Variants in LPP observed in about 807,000 individuals in gnomAD.
The protein encoded by LPP is LIM domain containing preferred translocation partner in lipoma, also known as lipoma-preferred partner.
In LPP, 38 loss-of-function variants were observed where a neutral mutation model predicts 60.4. The observed-to-expected ratio is 0.63, with a 90% CI of 0.49 to 0.83. The LOEUF is 0.83. Ranked by LOEUF, LPP falls within the 40% of genes least tolerant of loss-of-function variation. The pLI is 0.00. For missense variants in LPP, 902 were observed against 783.6 expected (o/e 1.15, Z -1.80); for synonymous variants, 328 against 290.8 (o/e 1.13, Z -1.30).
At chr3:188,508,906 G>A (rs1019465434) in intron 5 of LPP, among the ~76,000 whole-genome samples, 1 of 152,210 alleles carries the variant, frequency 6.6e-6, no homozygotes, top group Non-Finnish European at 1.5e-5. Flanking sequence ...TTCAAATTTA[G>A]CATGGACAAG....
At chr3:188,774,142 T>C (rs1293763473) in intron 9 of LPP, among the ~76,000 whole-genome samples, 1 of 152,202 alleles carries the variant, frequency 6.6e-6, no homozygotes, top group Non-Finnish European at 1.5e-5. Flanking sequence ...AATAAATTTA[T>C]GCTAACAGAT....
intron 2 of LPP, among the ~76,000 whole-genome samples, chr3:188,249,829 T>TACACACAC (rs61215623): frequency 0.026 from 2,868 of 111,140 alleles, 68 homozygotes; most frequent in African/African-American, 0.038. Context: ...TTTCTCTGTC[T>TACACACAC]ACACACACAC....
chr3:188,827,410 A>G (rs915243400), intron 9 of LPP, among the ~76,000 whole-genome samples: 1 of 152,236 alleles, frequency 6.6e-6, no homozygotes, highest in Admixed American at 6.5e-5. Flanking sequence ...TAGTACAGAC[A>G]AAGTAACAGC....
At chr3:188,517,273 G>A (rs1817631501) in intron 5 of LPP, among the ~76,000 whole-genome samples, 2 of 152,074 alleles carry the variant, frequency 1.3e-5, no homozygotes, top group African/African-American at 4.8e-5. Context: ...TTTTATTAGG[G>A]ATACTTTGAG....
At chr3:188,690,534 T>G (rs6768952) in intron 7 of LPP, among the ~76,000 whole-genome samples, 51,414 of 152,044 alleles carry the variant, frequency 0.34, 9,170 homozygotes, top group Middle Eastern at 0.53. Context: ...TTGGAATGGA[T>G]ACGGTGCCCT....
At chr3:188,243,295 C>A (rs1725650810) in intron 2 of LPP, among the ~76,000 whole-genome samples, 1 of 152,152 alleles carries the variant, frequency 6.6e-6, no homozygotes, top group Non-Finnish European at 1.5e-5. Context: ...ACCGTTCCCC[C>A]TACCCCTCAG....
chr3:188,629,718 A>G (rs926649993), intron 7 of LPP, among the ~76,000 whole-genome samples: 1 of 152,094 alleles, frequency 6.6e-6, no homozygotes, highest in Non-Finnish European at 1.5e-5. Context: ...TCACAGAATT[A>G]GAAAAAAAAA....
intron 2 of LPP, among the ~76,000 whole-genome samples, chr3:188,306,817 A>C (rs2150208071): frequency 6.6e-6 from 1 of 152,328 alleles, no homozygotes. Context: ...AAATGTTGGC[A>C]GCTCATTCAA....
intron 7 of LPP, among the ~76,000 whole-genome samples, chr3:188,651,715 C>T (rs1289262319): frequency 6.6e-6 from 1 of 152,102 alleles, no homozygotes; most frequent in African/African-American, 2.4e-5. Context: ...TGGGATCTCA[C>T]GAGACTTATT....
chr3:188,857,659 T>A (rs1240660735), intron 9 of LPP, among the ~76,000 whole-genome samples: 1 of 152,194 alleles, frequency 6.6e-6, no homozygotes, highest in African/African-American at 2.4e-5. Context: ...GAAGAAGAGC[T>A]TTTTCACAAA....
chr3:188,671,358 G>A (rs1856916894), intron 7 of LPP, among the ~76,000 whole-genome samples: 1 of 152,116 alleles, frequency 6.6e-6, no homozygotes, highest in South Asian at 2.1e-4. Flanking sequence ...TCAAGTTAAA[G>A]GCTATAAAAA....
intron 4 of LPP, among the ~76,000 whole-genome samples, chr3:188,436,569 A>G (rs972391159): frequency 6.6e-6 from 1 of 152,170 alleles, no homozygotes; most frequent in African/African-American, 2.4e-5. Context: ...TTAGGACCCG[A>G]TATCTGTTCA....
chr3:188,549,042 G>T (rs936395014), intron 6 of LPP, among the ~76,000 whole-genome samples: 1 of 152,182 alleles, frequency 6.6e-6, no homozygotes, highest in African/African-American at 2.4e-5. Context: ...CAAAGGAAAT[G>T]ATAAATATTT....
At chr3:188,506,664 C>G (rs1813547562) in intron 5 of LPP, among the ~76,000 whole-genome samples, 1 of 152,192 alleles carries the variant, frequency 6.6e-6, no homozygotes, top group South Asian at 2.1e-4. Context: ...AGAGCTGGTC[C>G]TAACCACAAC....
At chr3:188,831,569 C>A (rs866057879) in intron 9 of LPP, among the ~76,000 whole-genome samples, 9 of 152,320 alleles carry the variant, frequency 5.9e-5, no homozygotes, top group Middle Eastern at 6.8e-3. Context: ...AAGGAGATAA[C>A]CCTGCAGGCC....
chr3:188,786,373 A>C, intron 9 of LPP, among the ~76,000 whole-genome samples: 6 of 120,080 alleles, frequency 5.0e-5, no homozygotes, highest in Admixed American at 2.0e-4. Flanking sequence ...ACAGCGTGAG[A>C]CTCCGTCTCA....
chr3:188,170,726 C>T (rs1489367429), intron 1 of LPP, among the ~76,000 whole-genome samples: 1 of 152,160 alleles, frequency 6.6e-6, no homozygotes, highest in African/African-American at 2.4e-5. Flanking sequence ...TACCTTCCCC[C>T]CAGCTTCTCT....
chr3:188,155,071 A>G (rs1277538928), intron 1 of LPP, among the ~76,000 whole-genome samples: 3 of 152,158 alleles, frequency 2.0e-5, no homozygotes, highest in Non-Finnish European at 4.4e-5. Flanking sequence ...AGATGAAAGT[A>G]TAAATATTCT....
In LPP at chr3:188,572,056, G is replaced by T. The variant is rs77477940; in HGVS notation, c.430-37105G>T. The stretch of plus-strand genomic sequence containing the variant: ...GGACCCCTTTTTTATTAAGACTCTT[G>T]ATGGCCCAGAGGTCAGTATAATGAG... On this transcript the variant is annotated intron_variant, in intron 6 of 11. Coordinates refer to ENST00000617246, the MANE Select transcript of LPP (RefSeq NM_001375462.1). This position sits in a 1 kb window ranked among gnomAD's most constrained non-coding sequence, Gnocchi z 4.1. Among the ~76,000 whole-genome samples, 989 of 152,104 alleles carry T rather than the reference G, an allele frequency of 6.5e-3. 14 individuals are homozygous for T. The highest frequency in any genetic ancestry group is 0.023 in the African/African-American group (936 of 41,516).
Sources: gnomAD v4.1 joint callset for allele counts (sites outside exome capture counted in the v4.1 genomes callset) on GRCh38, gnomAD v4.1.1 for gene constraint, Gnocchi (gnomAD v3.1) non-coding constraint, MANE v1.5 for transcripts, NCBI Gene and HGNC (gene_info 2026-07-23, HGNC 2026-07-21) for gene names.